HPSE2: variants seen among roughly 807,000 people sequenced by gnomAD.
The protein encoded by HPSE2 is inactive heparanase-2.
HPSE2 carries 38 observed loss-of-function variants against 60.5 expected under a neutral mutation model. The ratio of observed to expected loss-of-function variants is 0.63; its 90% CI spans 0.48 to 0.82. HPSE2 has a LOEUF of 0.82. Ranked by LOEUF, HPSE2 falls within the 40% of genes least tolerant of loss-of-function variation. The pLI is 0.00. For synonymous variants in HPSE2, 295 were observed against 293.2 expected (o/e 1.01, Z -0.06); for missense variants, 713 against 740.4 (o/e 0.96, Z 0.43).
intron 3 of HPSE2, among the ~76,000 whole-genome samples, chr10:98,804,544 T>C (rs771357011): frequency 1.3e-5 from 2 of 152,116 alleles, no homozygotes; most frequent in African/African-American, 2.4e-5. Flanking sequence ...TCAACATCAT[T>C]GATCATCAGA....
At chr10:98,814,276 AAT>A (rs1202125404) in intron 3 of HPSE2, among the ~76,000 whole-genome samples, 1 of 152,168 alleles carries the variant, frequency 6.6e-6, no homozygotes, top group African/African-American at 2.4e-5. Context: ...ATTGAAATAT[AAT>A]AGATTTTTGT....
chr10:98,926,353 C>A (rs1013040223), intron 3 of HPSE2, among the ~76,000 whole-genome samples: 1 of 151,968 alleles, frequency 6.6e-6, no homozygotes, highest in Non-Finnish European at 1.5e-5. Flanking sequence ...TTAAATATAA[C>A]CAGATGGTAG....
chr10:99,076,002 C>G (rs1322467751), intron 3 of HPSE2, among the ~76,000 whole-genome samples: 2 of 152,094 alleles, frequency 1.3e-5, no homozygotes, highest in Non-Finnish European at 2.9e-5. Flanking sequence ...CTGAGTAGTT[C>G]AAACCACTTA....
intron 9 of HPSE2, among the ~76,000 whole-genome samples, chr10:98,560,785 A>G (rs1232130147): frequency 2.0e-5 from 3 of 152,246 alleles, no homozygotes; most frequent in African/African-American, 7.2e-5. Context: ...GCCTAATGAC[A>G]TCATAGCCAT....
intron 6 of HPSE2, among the ~76,000 whole-genome samples, chr10:98,684,352 G>A (rs1565076723): frequency 6.6e-6 from 1 of 152,062 alleles, no homozygotes; most frequent in Non-Finnish European, 1.5e-5. Context: ...AGAAACAGGA[G>A]ATTTACTACT....
At chr10:98,938,815 A>T (rs1954894507) in intron 3 of HPSE2, among the ~76,000 whole-genome samples, 1 of 144,026 alleles carries the variant, frequency 6.9e-6, no homozygotes, top group Non-Finnish European at 1.5e-5. Context: ...GAAGGAAAAA[A>T]TGTTAAGGGC....
chr10:99,302,704 G>C, the HPSE2 span, among the ~76,000 whole-genome samples: 18 of 152,078 alleles, frequency 1.2e-4, no homozygotes, highest in Non-Finnish European at 2.6e-4. Flanking sequence ...CCTTTGGGAT[G>C]GGACTCCCTG....
chr10:98,543,594 C>G (rs1943552448), intron 9 of HPSE2, among the ~76,000 whole-genome samples: 1 of 152,108 alleles, frequency 6.6e-6, no homozygotes, highest in South Asian at 2.1e-4. Flanking sequence ...ATCTCACGTG[C>G]AGAGACACAC....
intron 11 of HPSE2, among the ~76,000 whole-genome samples, chr10:98,470,594 T>C (rs1050301954): frequency 6.6e-6 from 1 of 152,204 alleles, no homozygotes; most frequent in South Asian, 2.1e-4. Context: ...CTCTGGAAGG[T>C]GCAGGGGAAG....
intron 9 of HPSE2, among the ~76,000 whole-genome samples, chr10:98,534,410 AT>A (rs34266207): frequency 1.5e-4 from 22 of 149,708 alleles, no homozygotes; most frequent in African/African-American, 3.4e-4. Context: ...AGAATTTTTA[AT>A]TTTTTTTTTT....
At chr10:98,631,712 C>T (rs942322307) in intron 7 of HPSE2, among the ~76,000 whole-genome samples, 11 of 152,182 alleles carry the variant, frequency 7.2e-5, no homozygotes. Context: ...TTGTCATTGC[C>T]TTGCATATAG....
intron 3 of HPSE2, among the ~76,000 whole-genome samples, chr10:99,107,814 T>C (rs981132229): frequency 2.0e-5 from 3 of 152,166 alleles, no homozygotes; most frequent in African/African-American, 7.2e-5. Flanking sequence ...TACACGCTCA[T>C]TTAGTATATT....
At chr10:98,829,845 T>G (rs1951641728) in intron 3 of HPSE2, among the ~76,000 whole-genome samples, 1 of 152,218 alleles carries the variant, frequency 6.6e-6, no homozygotes, top group African/African-American at 2.4e-5. Context: ...TTTTTATTTT[T>G]ATTTATTTTC....
At chr10:99,283,962 G>C in the HPSE2 span, among the ~76,000 whole-genome samples, 4 of 150,408 alleles carry the variant, frequency 2.7e-5, no homozygotes, top group African/African-American at 9.8e-5. Flanking sequence ...ATTTAAAAAG[G>C]AATTAACACC....
intron 9 of HPSE2, among the ~76,000 whole-genome samples, chr10:98,591,256 A>C (rs1022439391): frequency 2.0e-5 from 3 of 152,236 alleles, no homozygotes; most frequent in African/African-American, 7.2e-5. Flanking sequence ...ACTATGGGAC[A>C]ATTTACATGG....
chr10:98,887,198 A>G (rs1953189985), intron 3 of HPSE2, among the ~76,000 whole-genome samples: 1 of 152,140 alleles, frequency 6.6e-6, no homozygotes, highest in Admixed American at 6.6e-5. Flanking sequence ...GCTAAGAACC[A>G]TAATATCAAC....
At chr10:98,733,448 C>T (rs193166214) in intron 4 of HPSE2, among the ~76,000 whole-genome samples, 181 of 152,128 alleles carry the variant, frequency 1.2e-3, no homozygotes, top group Admixed American at 4.8e-3. Context: ...ATCTCTCTAA[C>T]CTAGTGAAGA....
At chr10:98,971,773 TAG>T (rs2135269157) in intron 3 of HPSE2, among the ~76,000 whole-genome samples, 1 of 152,288 alleles carries the variant, frequency 6.6e-6, no homozygotes, top group South Asian at 2.1e-4. Flanking sequence ...TGGCCCTTTA[TAG>T]ACCCACATGA....
intron 2 of HPSE2, among the ~76,000 whole-genome samples, chr10:99,160,648 C>T (rs1846791723): frequency 6.6e-6 from 1 of 151,932 alleles, no homozygotes; most frequent in East Asian, 1.9e-4. Context: ...GCCTGTAATC[C>T]CAGCACTTTG....
Sources: allele counts gnomAD v4.1 joint callset (sites outside exome capture counted in the v4.1 genomes callset), GRCh38; gene constraint gnomAD v4.1.1; transcripts MANE v1.5; gene names NCBI Gene and HGNC (gene_info 2026-07-23, HGNC 2026-07-21).